FBXW11: variants seen among roughly 807,000 people sequenced by gnomAD.
FBXW11 encodes F-box and WD repeat domain containing 11.
In FBXW11, 19 loss-of-function variants were observed where a neutral mutation model predicts 77.6. That is an observed-to-expected ratio of 0.24 (90% CI 0.17 to 0.36). The LOEUF (loss-of-function observed/expected upper bound fraction) is 0.36. Among genes scored for constraint, FBXW11 ranks in the 10% least tolerant of loss-of-function variants. The pLI is 1.00. For missense variants in FBXW11, 334 were observed against 704.2 expected, an observed-to-expected ratio of 0.47 and a Z score of 5.95; for synonymous variants, 235 against 249.4, an observed-to-expected ratio of 0.94 and a Z score of 0.54.
Position 171,900,812 on chromosome 5 carries a change from T to A in FBXW11, c.437-712A>T, listed in dbSNP as rs532196508. ...AGCCCCATGTCTACAAATCCTAGAA[T>A]CTTAGAGGTCATTGGCTTCAACCTC... is the stretch of plus-strand genomic sequence containing the variant. On this transcript the variant is annotated intron_variant, in intron 4 of 13. Coordinates refer to ENST00000517395, the MANE Select transcript of FBXW11 (RefSeq NM_001378974.1). Among the ~76,000 whole-genome samples, 20 of 152,200 alleles carry A rather than the reference T, an allele frequency of 1.3e-4. No homozygotes were observed. In the South Asian group the frequency reaches 4.1e-3, roughly 32 times the overall value.
intron 2 of FBXW11, among the ~76,000 whole-genome samples, chr5:171,931,310 G>A (rs1762177931): frequency 2.0e-5 from 3 of 152,228 alleles, no homozygotes; most frequent in Admixed American, 6.5e-5. Context: ...CAGTATTCAC[G>A]AAAGTGAAAG....
intron 1 of FBXW11, among the ~76,000 whole-genome samples, chr5:171,971,780 C>T (rs547980712): frequency 6.6e-6 from 1 of 152,116 alleles, no homozygotes; most frequent in East Asian, 1.9e-4. Flanking sequence ...CACAGGAGTT[C>T]AACACCAGCT....
At chr5:171,897,329 C>T (rs571812515) in intron 6 of FBXW11, among the ~76,000 whole-genome samples, 24 of 152,192 alleles carry the variant, frequency 1.6e-4, no homozygotes, top group Non-Finnish European at 1.2e-4. Flanking sequence ...GAGGTCTAGC[C>T]CACAAAAATC....
intron 2 of FBXW11, among the ~76,000 whole-genome samples, chr5:171,946,602 T>C (rs1243911071): frequency 2.6e-5 from 4 of 152,238 alleles, no homozygotes; most frequent in African/African-American, 7.2e-5. Context: ...TGGGGCTTGT[T>C]GTACACTTGC....
chr5:171,895,803 T>C (rs180946473), intron 6 of FBXW11, among the ~76,000 whole-genome samples: 129 of 148,516 alleles, frequency 8.7e-4, no homozygotes, highest in African/African-American at 3.2e-3. Context: ...AGCCCACCAT[T>C]AATGGTAACA....
intron 7 of FBXW11, among the ~76,000 whole-genome samples, chr5:171,889,845 G>A (rs1166784837): frequency 7.9e-5 from 12 of 152,198 alleles, no homozygotes. Context: ...CTGAGATCGT[G>A]CCATTGCACT....
chr5:171,973,659 C>A (rs1764656090), intron 1 of FBXW11, among the ~76,000 whole-genome samples: 1 of 152,158 alleles, frequency 6.6e-6, no homozygotes, highest in Non-Finnish European at 1.5e-5. Flanking sequence ...CTGAATAAAT[C>A]TTGGACTTTA....
rs1432964544 is a variant in FBXW11 at position 171,868,617 on chromosome 5, G to A, written c.*18C>T. The A allele has an allele frequency of 8.7e-6, 14 of 1,607,770 alleles. No individual in the cohort carries two copies. The highest frequency in any genetic ancestry group is 2.2e-5 in the East Asian group (1 of 44,798). On this transcript the variant is annotated 3_prime_UTR_variant, in exon 13 of 14. Coordinates refer to ENST00000517395, the MANE Select transcript of FBXW11 (RefSeq NM_001378974.1). The stretch of plus-strand genomic sequence containing the variant: ...GGAGAGGATAGTACTCACCTGAAAC[G>A]GGTGAAAGTGCAGACTGTTATCTAG...
intron 3 of FBXW11, among the ~76,000 whole-genome samples, chr5:171,912,109 CT>C (rs1478309094): frequency 6.6e-6 from 1 of 152,172 alleles, no homozygotes; most frequent in Non-Finnish European, 1.5e-5. Context: ...TTAAAGTGGA[CT>C]AAATCCATCC....
intron 2 of FBXW11, among the ~76,000 whole-genome samples, chr5:171,955,427 G>T (rs894260190): frequency 2.6e-5 from 4 of 152,172 alleles, no homozygotes; most frequent in Admixed American, 2.0e-4. Flanking sequence ...CAAAGGAAGA[G>T]TCATCTTTGC....
At chr5:171,864,290 C>G (rs1325752656) in intron 13 of FBXW11, among the ~76,000 whole-genome samples, 189 bp from the exon 14 acceptor site, 1 of 152,164 alleles carries the variant, frequency 6.6e-6, no homozygotes, top group Non-Finnish European at 1.5e-5. Context: ...TCACAACAAT[C>G]CTGTGAGGAA....
At chr5:171,913,821 AC>A (rs1761044429) in intron 3 of FBXW11, among the ~76,000 whole-genome samples, 2 of 84,712 alleles carry the variant, frequency 2.4e-5, no homozygotes, top group African/African-American at 1.3e-4. Context: ...ACACACATAC[AC>A]ACACACACAC....
At chr5:172,001,054 T>C (rs1420944000) in intron 1 of FBXW11, among the ~76,000 whole-genome samples, 1 of 152,256 alleles carries the variant, frequency 6.6e-6, no homozygotes, top group Non-Finnish European at 1.5e-5. Context: ...TAATGGTTAA[T>C]ATGTCTATGG....
At chr5:171,959,857 AAAAAG>A (rs112222573) in intron 1 of FBXW11, among the ~76,000 whole-genome samples, 63 of 130,910 alleles carry the variant, frequency 4.8e-4, no homozygotes, top group African/African-American at 1.7e-3. Flanking sequence ...CAAAAAAAAA[AAAAAG>A]AAAAGAAAAG....
chr5:171,991,546 G>A (rs1160218720), intron 1 of FBXW11, among the ~76,000 whole-genome samples: 1 of 152,164 alleles, frequency 6.6e-6, no homozygotes, highest in Non-Finnish European at 1.5e-5. Context: ...AAGCTAAAAC[G>A]CACTCAGGAC....
intron 2 of FBXW11, among the ~76,000 whole-genome samples, chr5:171,947,488 C>T (rs1379432507): frequency 6.6e-6 from 1 of 151,416 alleles, no homozygotes. Flanking sequence ...CACTTGAGCT[C>T]AGGAGTTCAA....
At chr5:171,932,670 C>T (rs1762275058) in intron 2 of FBXW11, among the ~76,000 whole-genome samples, 1 of 152,052 alleles carries the variant, frequency 6.6e-6, no homozygotes, top group South Asian at 2.1e-4. Flanking sequence ...TATACTCTTG[C>T]CCAACAATCT....
intron 1 of FBXW11, among the ~76,000 whole-genome samples, chr5:171,967,967 G>T (rs902644290): frequency 1.3e-5 from 2 of 148,226 alleles, no homozygotes; most frequent in African/African-American, 5.1e-5. Flanking sequence ...TATTCTTTTG[G>T]GCTGCCATAT....
intron 6 of FBXW11, among the ~76,000 whole-genome samples, chr5:171,896,616 A>G (rs1407534023): frequency 6.6e-6 from 1 of 152,190 alleles, no homozygotes; most frequent in East Asian, 1.9e-4. Flanking sequence ...GCCTGGATAG[A>G]GCTAGACAGA....
Sources: gnomAD v4.1 joint callset for allele counts (sites outside exome capture counted in the v4.1 genomes callset) on GRCh38, gnomAD v4.1.1 for gene constraint, MANE v1.5 for transcripts, NCBI Gene and HGNC (gene_info 2026-07-23, HGNC 2026-07-21) for gene names.